The following HTT variants were observed in gnomAD, a reference collection of about 807,000 sequenced individuals.
HTT encodes huntington disease protein.
A neutral mutation model predicts 362.3 loss-of-function variants in HTT; 104 were observed. That is an observed-to-expected ratio of 0.29 (90% CI 0.24 to 0.34). HTT has a LOEUF of 0.34. Among genes scored for constraint, HTT ranks in the 10% least tolerant of loss-of-function variants. The probability of loss-of-function intolerance (pLI) is 1.00; values close to 1 mark genes in which losing one functional copy is unlikely to be tolerated. For missense variants in HTT, 3,301 were observed against 3,928.6 expected (o/e 0.84, Z 4.27); for synonymous variants, 1,577 against 1,548.7 (o/e 1.02, Z -0.43).
intron 22 of HTT, among the ~76,000 whole-genome samples, chr4:3,142,310 T>C (rs1205735145): frequency 6.6e-6 from 1 of 152,234 alleles, no homozygotes; most frequent in Non-Finnish European, 1.5e-5. Context: ...TTATAATTCA[T>C]TTATAATTTA....
intron 33 of HTT, among the ~76,000 whole-genome samples, chr4:3,176,560 CA>C (rs966922106): frequency 6.6e-6 from 1 of 152,168 alleles, no homozygotes; most frequent in African/African-American, 2.4e-5. Flanking sequence ...AGCAGGCTCT[CA>C]GGGGGGCACG....
chr4:3,139,973 C>T (rs983512898), intron 21 of HTT, among the ~76,000 whole-genome samples: 4 of 152,110 alleles, frequency 2.6e-5, no homozygotes, highest in Admixed American at 6.5e-5. Context: ...GTACAGCACC[C>T]AGCTGGGCGT....
chr4:3,163,385 C>T (rs1183858022), intron 29 of HTT, among the ~76,000 whole-genome samples: 1 of 152,106 alleles, frequency 6.6e-6, no homozygotes, highest in Non-Finnish European at 1.5e-5. Flanking sequence ...GCCTAAAATT[C>T]TCTTTTTTTG....
rs1720485423 is a variant in HTT, at chr4:3,217,827, G to C, written c.7117G>C (p.Val2373Leu). The C allele has an allele frequency of 1.2e-6, 2 of 1,614,226 alleles. No homozygotes were observed. Among genetic ancestry groups the C allele is most frequent in the East Asian group, 4.5e-5 (2 of 44,894 alleles). The change falls in exon 52 of 67, where the codon GTG becomes CTG. Residue 2373 changes from valine to leucine, a missense_variant. Val to Leu is a conservative substitution (Grantham distance 32, BLOSUM62 1). Coordinates refer to ENST00000355072, the MANE Select transcript of HTT (RefSeq NM_001388492.1). ...VAEMVESLQS[V>L]LALGHKRNSG... ...AGAAATGGTGGAGTCTCTGCAGTCG[G>C]TGTTGGCCTTGGGTCATAAAAGGAA...
At chr4:3,133,206 G>T (rs1412704759) in intron 18 of HTT, among the ~76,000 whole-genome samples, 3 of 151,932 alleles carry the variant, frequency 2.0e-5, no homozygotes, top group African/African-American at 7.3e-5. Context: ...TGAATATGCT[G>T]GGCACGGTGA....
rs1028638536 is a variant in HTT, at chr4:3,096,468, C to T, written c.348-2806C>T. 3.7e-4 allele frequency among the ~76,000 whole-genome samples: 56 copies of T among 152,276 alleles called. 2 individuals are homozygous for T. Among genetic ancestry groups the T allele is most frequent in the South Asian group, 4.1e-4 (2 of 4,828 alleles). ...TTGCCAAGATAGAGCAGATGCTGGGCCATAAAACAAGTCTCTAAATTAAAA... is the reference window on the plus strand; with the variant it reads ...TTGCCAAGATAGAGCAGATGCTGGGTCATAAAACAAGTCTCTAAATTAAAA... On this transcript the variant is annotated intron_variant, in intron 2 of 66. Coordinates refer to ENST00000355072, the MANE Select transcript of HTT (RefSeq NM_001388492.1).
rs566187580 is a variant in HTT, at chr4:3,158,650, T to C, written c.3753+1451T>C. ...TAATAGTTACTTCTTATGGGTTTTT[T>C]TTCCCCTGAAAATCATTTATCAAAC... On this transcript the variant is annotated intron_variant, in intron 28 of 66. Coordinates refer to ENST00000355072, the MANE Select transcript of HTT (RefSeq NM_001388492.1). Among the ~76,000 whole-genome samples the C allele has an allele frequency of 5.3e-5, 8 of 152,268 alleles. No homozygotes were observed. In the East Asian group the frequency reaches 1.5e-3, roughly 29 times the overall value.
In HTT at chr4:3,204,085, A is replaced by G; in HGVS notation, c.5655A>G (p.Lys1885=). Residue 1885 remains lysine (K), a synonymous_variant, in exon 42 of 67, where the codon AAA becomes AAG. Transcript: ENST00000355072. ...GEEEDSDLAA[K]LGMCNREIVR... ...AGGAGGATTCTGACTTGGCAGCCAA[A>G]CTTGGAATGTGCAATAGAGAAATAG... is the stretch of plus-strand genomic sequence containing the variant. 1 of 1,614,166 alleles carries G rather than the reference A, an allele frequency of 6.2e-7. No homozygotes were observed. Among genetic ancestry groups the G allele is most frequent in the Non-Finnish European group, 8.5e-7 (1 of 1,180,000 alleles).
rs140478727 is a variant in HTT at position 3,119,289 on chromosome 4, T to C, written c.1069-1939T>C. Among the ~76,000 whole-genome samples the C allele has an allele frequency of 9.2e-5, 14 of 152,312 alleles. No individual in the cohort carries two copies. In the East Asian group the frequency reaches 2.3e-3, roughly 25 times the overall value. On this transcript the variant is annotated intron_variant, in intron 8 of 66. Transcript: ENST00000355072. ...GAAAAAGGCAATTAGTAACCATCCA[T>C]AGGAGGGTCAGCAAGATTTATAAAG...
chr4:3,160,814 A>G (rs1293600788), intron 29 of HTT, among the ~76,000 whole-genome samples: 1 of 152,100 alleles, frequency 6.6e-6, no homozygotes, highest in Non-Finnish European at 1.5e-5. Flanking sequence ...TCTGACACAG[A>G]TAGTCTCTGA....
chr4:3,207,534 A>G (rs1337948179), intron 45 of HTT, among the ~76,000 whole-genome samples, 177 bp downstream of exon 45: 1 of 152,226 alleles, frequency 6.6e-6, no homozygotes, highest in Non-Finnish European at 1.5e-5. Flanking sequence ...CTCACTTTCT[A>G]AAGAGTAAAG....
intron 29 of HTT, among the ~76,000 whole-genome samples, chr4:3,160,894 G>A (rs1332388395): frequency 6.6e-6 from 1 of 151,444 alleles, no homozygotes; most frequent in Admixed American, 6.6e-5. Context: ...TCTTTTTTTT[G>A]GTGGCTAATT....
chr4:3,094,672 C>T (rs1462534575), intron 2 of HTT, among the ~76,000 whole-genome samples: 20 of 128,580 alleles, frequency 1.6e-4, no homozygotes, highest in African/African-American at 6.3e-4. Flanking sequence ...GCGGGGGCTG[C>T]CCCCCACCTC....
intron 2 of HTT, among the ~76,000 whole-genome samples, chr4:3,089,411 G>A (rs1196334717): frequency 6.6e-6 from 1 of 152,140 alleles, no homozygotes; most frequent in Non-Finnish European, 1.5e-5. Context: ...CCGCCACCAT[G>A]CCTGGCTAAA....
intron 26 of HTT, among the ~76,000 whole-genome samples, chr4:3,149,245 CA>C (rs1417841075): frequency 6.6e-6 from 1 of 150,490 alleles, no homozygotes; most frequent in Non-Finnish European, 1.5e-5. Flanking sequence ...AACTTCAAAA[CA>C]AATGTTAACT....
intron 2 of HTT, among the ~76,000 whole-genome samples, chr4:3,090,983 A>G (rs1225626028): frequency 6.6e-6 from 1 of 152,148 alleles, no homozygotes; most frequent in Non-Finnish European, 1.5e-5. Flanking sequence ...GTGGTGGTGC[A>G]TGCCTGTAGT....
intron 50 of HTT, among the ~76,000 whole-genome samples, chr4:3,214,841 C>T (rs1720322453): frequency 6.6e-6 from 1 of 152,152 alleles, no homozygotes; most frequent in African/African-American, 2.4e-5. Flanking sequence ...ATAATAACCT[C>T]AGGGTGAGAG....
intron 29 of HTT, among the ~76,000 whole-genome samples, chr4:3,165,692 C>A (rs570407084): frequency 2.0e-5 from 3 of 151,852 alleles, no homozygotes; most frequent in Non-Finnish European, 4.4e-5. Context: ...CTTTCTTCTG[C>A]TTGATTGAAT....
intron 1 of HTT, among the ~76,000 whole-genome samples, chr4:3,075,652 G>C (rs1323869109): frequency 2.1e-5 from 3 of 143,106 alleles, no homozygotes; most frequent in South Asian, 2.3e-4. Context: ...CGGGGCAGGG[G>C]GGGGGCGGGG....
Sources: allele counts gnomAD v4.1 joint callset (sites outside exome capture counted in the v4.1 genomes callset), GRCh38; gene constraint gnomAD v4.1.1; transcripts MANE v1.5; gene names NCBI Gene and HGNC (gene_info 2026-07-23, HGNC 2026-07-21).